Variants in RCAN2 observed in about 807,000 individuals in gnomAD.
RCAN2 encodes the protein regulator of calcineurin 2, also known as calcipressin-2.
In RCAN2, 9 loss-of-function variants were observed where a neutral mutation model predicts 23.6. The ratio of observed to expected loss-of-function variants is 0.38; its 90% CI spans 0.23 to 0.67. The LOEUF is 0.67. Ranked by LOEUF, RCAN2 falls within the 30% of genes least tolerant of loss-of-function variation. RCAN2 has a pLI of 0.51. For missense variants in RCAN2, 273 were observed against 302.3 expected, an observed-to-expected ratio of 0.90 and a Z score of 0.72; for synonymous variants, 109 against 115.7, an observed-to-expected ratio of 0.94 and a Z score of 0.37.
intron 2 of RCAN2, among the ~76,000 whole-genome samples, chr6:46,362,538 A>G (rs1380001854): frequency 1.3e-5 from 2 of 152,190 alleles, no homozygotes; most frequent in Non-Finnish European, 2.9e-5. Flanking sequence ...AACTCATTAT[A>G]CAGAAAGTTG....
intron 2 of RCAN2, among the ~76,000 whole-genome samples, chr6:46,412,538 G>A (rs1040534276): frequency 2.0e-5 from 3 of 152,162 alleles, no homozygotes; most frequent in African/African-American, 7.2e-5. Flanking sequence ...TCCAAATTTA[G>A]CAGAGGAAAA....
chr6:46,232,691 G>C (rs1015137002), intron 4 of RCAN2, among the ~76,000 whole-genome samples: 1 of 150,704 alleles, frequency 6.6e-6, no homozygotes, highest in Non-Finnish European at 1.5e-5. Flanking sequence ...TACTGCGGAG[G>C]CTGAGGCATG....
intron 1 of RCAN2, among the ~76,000 whole-genome samples, chr6:46,458,416 G>T (rs1421099500): frequency 6.6e-6 from 1 of 152,080 alleles, no homozygotes; most frequent in South Asian, 2.1e-4. Context: ...TCTTAAGCCC[G>T]GTTGAGGTAG....
At chr6:46,441,088 C>T (rs1311893496) in intron 2 of RCAN2, among the ~76,000 whole-genome samples, 1 of 152,092 alleles carries the variant, frequency 6.6e-6, no homozygotes, top group Non-Finnish European at 1.5e-5. Context: ...CAGAGATAGA[C>T]AGTCACAGAT....
At chr6:46,307,535 A>G (rs1447185443) in intron 2 of RCAN2, among the ~76,000 whole-genome samples, 1 of 152,106 alleles carries the variant, frequency 6.6e-6, no homozygotes, top group Non-Finnish European at 1.5e-5. Context: ...AAATTGCTTT[A>G]TTGTTGTCAT....
intron 1 of RCAN2, among the ~76,000 whole-genome samples, chr6:46,474,895 G>A (rs1046102331): frequency 6.6e-6 from 1 of 152,110 alleles, no homozygotes; most frequent in Non-Finnish European, 1.5e-5. Context: ...TACTCCAAGG[G>A]GAAAGTCAAG....
At chr6:46,453,124 C>G (rs1418541444) in intron 2 of RCAN2, among the ~76,000 whole-genome samples, 1 of 152,180 alleles carries the variant, frequency 6.6e-6, no homozygotes, top group Admixed American at 6.5e-5. Context: ...TCACCTTCCT[C>G]AAGATGACTT....
intron 2 of RCAN2, among the ~76,000 whole-genome samples, chr6:46,360,025 G>A (rs1764956390): frequency 6.6e-6 from 1 of 152,020 alleles, no homozygotes; most frequent in Non-Finnish European, 1.5e-5. Context: ...ACTACTAATA[G>A]GCTCTGAAAA....
At chr6:46,375,570 A>G (rs1271928877) in intron 2 of RCAN2, among the ~76,000 whole-genome samples, 2 of 152,198 alleles carry the variant, frequency 1.3e-5, no homozygotes, top group Non-Finnish European at 2.9e-5. Context: ...TCTCTGCCCC[A>G]CATACTAACT....
chr6:46,326,364 C>A (rs952147961), intron 2 of RCAN2, among the ~76,000 whole-genome samples: 1 of 152,192 alleles, frequency 6.6e-6, no homozygotes, highest in Admixed American at 6.5e-5. Flanking sequence ...GTCTAACGGG[C>A]AAACTCACTG....
chr6:46,258,664 T>C (rs1194304545), intron 2 of RCAN2, among the ~76,000 whole-genome samples: 1 of 152,232 alleles, frequency 6.6e-6, no homozygotes, highest in Non-Finnish European at 1.5e-5. Flanking sequence ...GCAAGTTCCA[T>C]GATCCATGTT....
At chr6:46,374,997 C>A (rs886308913) in intron 2 of RCAN2, among the ~76,000 whole-genome samples, 3 of 152,156 alleles carry the variant, frequency 2.0e-5, no homozygotes, top group African/African-American at 7.2e-5. Flanking sequence ...ACCTCTGCCT[C>A]CCGGGTTCAA....
chr6:46,251,366 G>T (rs187207138), intron 2 of RCAN2, among the ~76,000 whole-genome samples: 187 of 152,214 alleles, frequency 1.2e-3, no homozygotes, highest in African/African-American at 4.3e-3. Flanking sequence ...AGTCACAGCT[G>T]GTAGTTTGAT....
chr6:46,432,130 A>G (rs1767228085), intron 2 of RCAN2, among the ~76,000 whole-genome samples: 1 of 152,250 alleles, frequency 6.6e-6, no homozygotes, highest in Non-Finnish European at 1.5e-5. Flanking sequence ...AACTGCACTT[A>G]GTATCAGCTT....
At chr6:46,270,782 C>T (rs1767497829) in intron 2 of RCAN2, among the ~76,000 whole-genome samples, 1 of 152,136 alleles carries the variant, frequency 6.6e-6, no homozygotes, top group Admixed American at 6.5e-5. Context: ...TCTGGAGAAC[C>T]CCACATGGCA....
intron 2 of RCAN2, among the ~76,000 whole-genome samples, chr6:46,411,503 CA>C (rs1316241393): frequency 6.6e-6 from 1 of 152,060 alleles, no homozygotes; most frequent in Non-Finnish European, 1.5e-5. Context: ...GTATTTTTAT[CA>C]CAATAAATTC....
intron 2 of RCAN2, among the ~76,000 whole-genome samples, chr6:46,419,776 G>A (rs1261050204): frequency 2.6e-5 from 4 of 152,112 alleles, no homozygotes; most frequent in African/African-American, 4.8e-5. Flanking sequence ...AAAGCCTCAC[G>A]TCTTCAAACC....
At chr6:46,333,540 A>AC (rs1426995763) in intron 2 of RCAN2, among the ~76,000 whole-genome samples, 2 of 152,236 alleles carry the variant, frequency 1.3e-5, no homozygotes. Flanking sequence ...GAGTGGAAAC[A>AC]CTGGGTTAAA....
intron 2 of RCAN2, among the ~76,000 whole-genome samples, chr6:46,310,226 A>G (rs1763211317): frequency 6.6e-6 from 1 of 152,120 alleles, no homozygotes; most frequent in Admixed American, 6.5e-5. Context: ...TGCCTGAGTA[A>G]TGACAATAAT....
Sources: allele counts gnomAD v4.1 joint callset (sites outside exome capture counted in the v4.1 genomes callset), GRCh38; gene constraint gnomAD v4.1.1; transcripts MANE v1.5; gene names NCBI Gene and HGNC (gene_info 2026-07-23, HGNC 2026-07-21).